Variants in CORIN observed in about 807,000 individuals in gnomAD.
CORIN encodes atrial natriuretic peptide-converting enzyme.
CORIN carries 117 observed loss-of-function variants against 125.3 expected under a neutral mutation model. The observed-to-expected ratio is 0.93, with a 90% CI of 0.80 to 1.09. The LOEUF (loss-of-function observed/expected upper bound fraction) is 1.09. Ranked by LOEUF, CORIN falls within the 50% of genes least tolerant of loss-of-function variation. The probability of loss-of-function intolerance (pLI) is 0.00; values close to 1 mark genes in which losing one functional copy is unlikely to be tolerated. For missense variants in CORIN, 1,253 were observed against 1,306.7 expected (o/e 0.96, Z 0.63); for synonymous variants, 450 against 466.4 (o/e 0.96, Z 0.45).
chr4:47,627,892 G>A (rs1267940318), intron 16 of CORIN, among the ~76,000 whole-genome samples: 1 of 152,198 alleles, frequency 6.6e-6, no homozygotes, highest in Non-Finnish European at 1.5e-5. Context: ...GCAATTAGGA[G>A]AGAGTGTGCA....
At position 47,763,485 on chromosome 4, in the gene CORIN, A is replaced by C. The variant is rs1195319546; in HGVS notation, c.511T>G (p.Phe171Val). 1.2e-6 allele frequency: 2 copies of C among 1,614,038 alleles called. No homozygotes were observed. The highest frequency in any genetic ancestry group is 2.7e-5 in the African/African-American group (2 of 74,922). Residue 171 changes from phenylalanine (F) to valine (V), a missense_variant, in exon 4 of 22, where the codon TTC becomes GTC. By Grantham distance (50) the Phe-to-Val change is conservative (BLOSUM62 -1). Transcript: ENST00000273857. Reference sequence around the variant, plus strand: ...TGGAGATATGTGAAAAACTTGAGGAACTTTTCCATTTCCATGTTTCTGACA... The same window carrying C: ...TGGAGATATGTGAAAAACTTGAGGACCTTTTCCATTTCCATGTTTCTGACA... ...SVVRNMEMEKFLKFFTYLHRL... is the reference protein window; with the variant it reads ...SVVRNMEMEKVLKFFTYLHRL...
At chr4:47,657,782 G>A (rs1436825059) in intron 12 of CORIN, among the ~76,000 whole-genome samples, 1 of 152,022 alleles carries the variant, frequency 6.6e-6, no homozygotes, top group Non-Finnish European at 1.5e-5. Flanking sequence ...TGTGAACTCA[G>A]AGTGAGAGAT....
Position 47,672,333 on chromosome 4 carries a change from C to T in CORIN, c.1357+2060G>A, listed in dbSNP as rs142179167. Among the ~76,000 whole-genome samples the T allele has an allele frequency of 3.0e-4, 46 of 152,120 alleles. No homozygotes were observed. The Middle Eastern group carries it at 0.01, about 34-fold the overall frequency. On this transcript the variant is annotated intron_variant, in intron 10 of 21. Coordinates refer to ENST00000273857, the MANE Select transcript of CORIN (RefSeq NM_006587.4). ...CAACATATTTTAAATATTTAAAATT[C>T]GAAATATTTCAAATATAGAGAAAAT...
At chr4:47,626,596 T>A (rs1172514194) in intron 16 of CORIN, 75 bp from the exon 17 acceptor site, 7 of 898,382 alleles carry the variant, frequency 7.8e-6, no homozygotes, top group Non-Finnish European at 1.3e-5. Flanking sequence ...TATTTAGCAC[T>A]CATTCCCTTT....
intron 1 of CORIN, among the ~76,000 whole-genome samples, chr4:47,830,224 TTTG>T (rs1277192436): frequency 6.6e-6 from 1 of 151,994 alleles, no homozygotes; most frequent in African/African-American, 2.4e-5. Flanking sequence ...CCACATGGTG[TTTG>T]TTTTTTTTTT....
At chr4:47,829,023 T>A (rs1355524872) in intron 1 of CORIN, among the ~76,000 whole-genome samples, 6 of 151,394 alleles carry the variant, frequency 4.0e-5, no homozygotes, top group African/African-American at 1.5e-4. Flanking sequence ...CCGGGCATGG[T>A]GGTGGGCGCC....
chr4:47,790,525 C>T (rs539940752), intron 2 of CORIN, among the ~76,000 whole-genome samples: 1 of 152,260 alleles, frequency 6.6e-6, no homozygotes, highest in Non-Finnish European at 1.5e-5. Flanking sequence ...TGAGCCTAAT[C>T]TTTCATGGCT....
chr4:47,652,804 G>A (rs950255961), intron 13 of CORIN: 8 of 152,208 alleles, frequency 5.3e-5, no homozygotes, highest in African/African-American at 1.9e-4. Context: ...TCTGAACTCT[G>A]AATGTTGGAG....
At chr4:47,799,259 T>C (rs2109938861) in intron 2 of CORIN, among the ~76,000 whole-genome samples, 1 of 152,172 alleles carries the variant, frequency 6.6e-6, no homozygotes, top group African/African-American at 2.4e-5. Context: ...GTGTGTCTTT[T>C]TGGTGGAATG....
chr4:47,777,967 C>T (rs61764282), intron 3 of CORIN, among the ~76,000 whole-genome samples: 41 of 152,140 alleles, frequency 2.7e-4, no homozygotes, highest in Non-Finnish European at 4.6e-4. Flanking sequence ...CTTTCAGAAC[C>T]AGAGGAAAAA....
chr4:47,631,722 C>A (rs1230992221), intron 16 of CORIN, among the ~76,000 whole-genome samples: 3 of 152,120 alleles, frequency 2.0e-5, no homozygotes, highest in Non-Finnish European at 4.4e-5. Flanking sequence ...GTCCCTGGTG[C>A]CAAAAAGGTT....
intron 11 of CORIN, among the ~76,000 whole-genome samples, chr4:47,664,299 G>C (rs752209864): frequency 1.3e-5 from 2 of 152,070 alleles, no homozygotes; most frequent in African/African-American, 4.8e-5. Flanking sequence ...GTCCATTCAG[G>C]GTTCATTACA....
chr4:47,752,999 T>G (rs970309421), intron 4 of CORIN, among the ~76,000 whole-genome samples: 3 of 152,184 alleles, frequency 2.0e-5, no homozygotes, highest in Non-Finnish European at 2.9e-5. Context: ...CAGAGCCACA[T>G]AATTATCGGG....
intron 2 of CORIN, among the ~76,000 whole-genome samples, chr4:47,806,528 TG>T (rs531294440): frequency 5.7e-4 from 87 of 152,338 alleles, no homozygotes; most frequent in African/African-American, 2.0e-3. Flanking sequence ...AATGTGCCCA[TG>T]GGACCTTGTC....
At chr4:47,820,975 G>T (rs985096153) in intron 1 of CORIN, among the ~76,000 whole-genome samples, 8 of 152,154 alleles carry the variant, frequency 5.3e-5, no homozygotes, top group South Asian at 4.1e-4. Context: ...GGTGGCTCAC[G>T]CCTGTCATCC....
chr4:47,661,607 A>G (rs1384401107), intron 12 of CORIN, 104 bp downstream of exon 12: 1 of 1,109,364 alleles, frequency 9.0e-7, no homozygotes, highest in Non-Finnish European at 1.2e-6. Flanking sequence ...TGGAAACTAA[A>G]TAGAAAACAA....
chr4:47,695,584 ACTT>A (rs1341477238), intron 5 of CORIN, among the ~76,000 whole-genome samples: 1 of 152,146 alleles, frequency 6.6e-6, no homozygotes, highest in Admixed American at 6.5e-5. Context: ...GCAGAAACTG[ACTT>A]CTTTTGTGTG....
Position 47,595,764 on chromosome 4 carries a change from C to T in CORIN, c.3086G>A (p.Trp1029Ter), listed in dbSNP as rs867695381. ...VYSNVSYFVE[W>*]IKRQIYIQTF... ...CTGGATGTAAATCTGTCTTTTAATCCATTCGACGAAATATGACACATTACT... is the reference window on the plus strand; with the variant it reads ...CTGGATGTAAATCTGTCTTTTAATCTATTCGACGAAATATGACACATTACT... Residue 1029 changes from tryptophan (W) to a stop codon, truncating the protein, a stop_gained, in exon 22 of 22, where the codon TGG (tryptophan) becomes TAG (stop). Coordinates refer to ENST00000273857, the MANE Select transcript of CORIN (RefSeq NM_006587.4). LOFTEE classifies it high-confidence loss of function. 1.2e-6 allele frequency: 2 copies of T among 1,612,392 alleles called. No homozygotes were observed. The highest frequency in any genetic ancestry group is 2.7e-5 in the African/African-American group (2 of 74,868).
intron 16 of CORIN, 71 bp downstream of exon 16, chr4:47,641,849 G>A: frequency 1.3e-6 from 2 of 1,558,352 alleles, no homozygotes; most frequent in South Asian, 2.3e-5. Flanking sequence ...TGCATCCTAA[G>A]GAAGATATTA....
Sources: allele counts gnomAD v4.1 joint callset (sites outside exome capture counted in the v4.1 genomes callset), GRCh38; gene constraint gnomAD v4.1.1; transcripts MANE v1.5; gene names NCBI Gene and HGNC (gene_info 2026-07-23, HGNC 2026-07-21).